The following TNRC6B variants were observed in gnomAD, a reference collection of about 807,000 sequenced individuals.
The protein encoded by TNRC6B is trinucleotide repeat containing adaptor 6B.
A neutral mutation model predicts 203.6 loss-of-function variants in TNRC6B; 52 were observed. The ratio of observed to expected loss-of-function variants is 0.26; its 90% CI spans 0.20 to 0.32. The LOEUF (loss-of-function observed/expected upper bound fraction) is 0.32, where lower values mean the gene tolerates loss of function less well. Among genes scored for constraint, TNRC6B ranks in the 10% least tolerant of loss-of-function variants. The pLI, the probability that TNRC6B is intolerant of heterozygous loss-of-function variation, is 1.00. For missense variants in TNRC6B, 1,923 were observed against 2,286.2 expected (o/e 0.84, Z 3.24); for synonymous variants, 838 against 845.7 (o/e 0.99, Z 0.16).
chr22:40,227,075 A>AATTATTATT (rs66592054), intron 1 of TNRC6B, among the ~76,000 whole-genome samples: 125 of 137,066 alleles, frequency 9.1e-4, no homozygotes, highest in East Asian at 2.5e-3. Context: ...ACACCCAGCT[A>AATTATTATT]ATTATTATTA....
At position 40,331,613 on chromosome 22, in the gene TNRC6B, T is replaced by G; in HGVS notation, c.*8372T>G. On this transcript the variant is annotated 3_prime_UTR_variant, in exon 23 of 23. Coordinates refer to ENST00000454349, the MANE Select transcript of TNRC6B (RefSeq NM_001162501.2). ...AAATGTATTATTATGCAAATGTGAA[T>G]TTTGATACTGAATTTAAGAAGAGGT... 1 of 380,566 alleles carries G rather than the reference T, an allele frequency of 2.6e-6. No individual in the cohort carries two copies. Among genetic ancestry groups the G allele is most frequent in the Non-Finnish European group, 4.7e-6 (1 of 214,882 alleles). The allele number at this position is 380,566 out of a possible 1,614,324, so 23.6% of individuals were successfully genotyped here.
intron 12 of TNRC6B, among the ~76,000 whole-genome samples, chr22:40,286,392 A>G (rs1233169389): frequency 6.6e-6 from 1 of 152,188 alleles, no homozygotes. Flanking sequence ...CTGTAATCCT[A>G]GCTACTCAAG....
intron 21 of TNRC6B, among the ~76,000 whole-genome samples, chr22:40,318,330 A>G (rs917996426): frequency 6.6e-6 from 1 of 152,016 alleles, no homozygotes; most frequent in African/African-American, 2.4e-5. Flanking sequence ...GGCAGATCAC[A>G]AGGTCAGGCA....
At chr22:40,091,287 C>A (rs1466730460) in intron 1 of TNRC6B, among the ~76,000 whole-genome samples, 1 of 152,094 alleles carries the variant, frequency 6.6e-6, no homozygotes, top group African/African-American at 2.4e-5. Context: ...ATACCACTTG[C>A]TAACACTACA....
At chr22:40,320,184 A>AT (rs2071316338) in intron 21 of TNRC6B, among the ~76,000 whole-genome samples, 1 of 152,154 alleles carries the variant, frequency 6.6e-6, no homozygotes, top group Non-Finnish European at 1.5e-5. Flanking sequence ...TTAAATACCT[A>AT]TTTAAGATCT....
intron 1 of TNRC6B, among the ~76,000 whole-genome samples, chr22:40,222,186 G>A (rs918612384): frequency 2.6e-5 from 4 of 152,028 alleles, no homozygotes; most frequent in East Asian, 1.9e-4. Flanking sequence ...ACCCATTTGC[G>A]GTCTATTGCT....
chr22:40,132,753 C>G (rs1420212678), intron 3 of TNRC6B, among the ~76,000 whole-genome samples: 1 of 147,474 alleles, frequency 6.8e-6, no homozygotes, highest in Non-Finnish European at 1.5e-5. Context: ...ACCATCCTGG[C>G]TAACACAGTG....
upstream of TNRC6B, among the ~76,000 whole-genome samples, chr22:40,176,054 T>A (rs886554660): frequency 6.6e-6 from 1 of 151,986 alleles, no homozygotes; most frequent in Non-Finnish European, 1.5e-5. Context: ...AGAAGCACAC[T>A]AGGGAATCCT....
At chr22:40,086,978 C>T (rs949964669) in intron 1 of TNRC6B, among the ~76,000 whole-genome samples, 1 of 152,026 alleles carries the variant, frequency 6.6e-6, no homozygotes, top group African/African-American at 2.4e-5. Context: ...TCTCCAGGTC[C>T]CCCGTCCCTG....
rs1417606305 is a variant in TNRC6B, at chr22:40,326,235, G to C, written c.*2994G>C. 6.6e-6 allele frequency: 1 copy of C among 152,532 alleles called. No homozygotes were observed. Among genetic ancestry groups the C allele is most frequent in the African/African-American group, 2.4e-5 (1 of 41,422 alleles). The allele number at this position is 152,532 out of a possible 1,614,324, so 9.4% of individuals were successfully genotyped here. ...TTATTTAACCATATCTTATCCTAGA[G>C]AGATGGCTGTTTCTTTCCTGTTAAT... On this transcript the variant is annotated 3_prime_UTR_variant, in exon 23 of 23. Transcript: ENST00000454349.
At chr22:40,298,923 G>A (rs533518455) in intron 12 of TNRC6B, among the ~76,000 whole-genome samples, 1 of 150,674 alleles carries the variant, frequency 6.6e-6, no homozygotes, top group Admixed American at 6.6e-5. Flanking sequence ...CCAAGATAGC[G>A]CCACTGCACT....
At chr22:40,299,017 G>A (rs1457538386) in intron 12 of TNRC6B, among the ~76,000 whole-genome samples, 1 of 151,512 alleles carries the variant, frequency 6.6e-6, no homozygotes, top group Non-Finnish European at 1.5e-5. Context: ...GCTCATACTT[G>A]TAATCACAAC....
At chr22:40,319,272 A>T (rs978114623) in intron 21 of TNRC6B, among the ~76,000 whole-genome samples, 2 of 140,976 alleles carry the variant, frequency 1.4e-5, no homozygotes, top group African/African-American at 2.5e-5. Context: ...CTCTGAATTT[A>T]AAAAAAAAAA....
chr22:40,093,949 G>A (rs1445032235), intron 1 of TNRC6B, among the ~76,000 whole-genome samples: 1 of 152,124 alleles, frequency 6.6e-6, no homozygotes, highest in East Asian at 1.9e-4. Context: ...ATAACTGGAA[G>A]AGTAGAATTG....
At chr22:40,054,071 G>C (rs5757838) in intron 1 of TNRC6B, among the ~76,000 whole-genome samples, 1 of 152,134 alleles carries the variant, frequency 6.6e-6, no homozygotes, top group African/African-American at 2.4e-5. Context: ...ACAAAAATTA[G>C]CTGGGCGTGG....
At chr22:40,157,778 T>C (rs2068830841) in intron 4 of TNRC6B, among the ~76,000 whole-genome samples, 1 of 152,076 alleles carries the variant, frequency 6.6e-6, no homozygotes, top group Non-Finnish European at 1.5e-5. Context: ...AAATTATAAC[T>C]CCATTTGTCG....
At chr22:40,145,850 A>C (rs75372809) in intron 3 of TNRC6B, among the ~76,000 whole-genome samples, 2 of 149,862 alleles carry the variant, frequency 1.3e-5, no homozygotes, top group African/African-American at 5.0e-5. Flanking sequence ...CAAAAAAAAA[A>C]GCAGGTTTGG....
chr22:40,309,604 G>A (rs2071144264), intron 16 of TNRC6B, among the ~76,000 whole-genome samples: 1 of 152,112 alleles, frequency 6.6e-6, no homozygotes, highest in Non-Finnish European at 1.5e-5. Flanking sequence ...CTACAGCTTT[G>A]GGCACTTTCA....
chr22:40,130,910 CT>C (rs1055295941), intron 3 of TNRC6B, among the ~76,000 whole-genome samples: 7 of 147,160 alleles, frequency 4.8e-5, no homozygotes, highest in South Asian at 2.2e-4. Flanking sequence ...GTATAGAAGT[CT>C]TTTTTTTTGA....
Sources: gnomAD v4.1 joint callset for allele counts (sites outside exome capture counted in the v4.1 genomes callset) on GRCh38, gnomAD v4.1.1 for gene constraint, MANE v1.5 for transcripts, NCBI Gene and HGNC (gene_info 2026-07-23, HGNC 2026-07-21) for gene names.